PMFBP1: variants seen among roughly 807,000 people sequenced by gnomAD.
The protein encoded by PMFBP1 is polyamine modulated factor 1 binding protein 1.
PMFBP1 carries 131 observed loss-of-function variants against 137.8 expected under a neutral mutation model. The ratio of observed to expected loss-of-function variants is 0.95; its 90% CI spans 0.82 to 1.10. The LOEUF (loss-of-function observed/expected upper bound fraction) is 1.10. Ranked by LOEUF, PMFBP1 falls within the 50% of genes least tolerant of loss-of-function variation. The probability of loss-of-function intolerance (pLI) is 0.00; values close to 1 mark genes in which losing one functional copy is unlikely to be tolerated. For synonymous variants in PMFBP1, 490 were observed against 450.4 expected, an observed-to-expected ratio of 1.09 and a Z score of -1.11; for missense variants, 1,199 against 1,175.4, an observed-to-expected ratio of 1.02 and a Z score of -0.29.
At chr16:72,203,815 CTA>C in the PMFBP1 span, among the ~76,000 whole-genome samples, 1 of 152,178 alleles carries the variant, frequency 6.6e-6, no homozygotes, top group Non-Finnish European at 1.5e-5. Flanking sequence ...AGTGAATTCC[CTA>C]TGACTTCCTT....
the PMFBP1 span, among the ~76,000 whole-genome samples, chr16:72,190,639 A>T: frequency 6.6e-6 from 1 of 152,186 alleles, no homozygotes; most frequent in Admixed American, 6.5e-5. Flanking sequence ...GCTTGGGGTC[A>T]GAGGCAGGCG....
At chr16:72,204,758 G>A in the PMFBP1 span, among the ~76,000 whole-genome samples, 6 of 152,148 alleles carry the variant, frequency 3.9e-5, no homozygotes, top group Non-Finnish European at 7.4e-5. Flanking sequence ...ACTCATGCCA[G>A]TTTAAATGAT....
chr16:72,119,598 G>A (rs2042345789), intron 20 of PMFBP1: 3 of 1,443,020 alleles, frequency 2.1e-6, no homozygotes, highest in Non-Finnish European at 2.7e-6. Context: ...TCCCTAAAAT[G>A]GGTCTGGGTC....
the PMFBP1 span, among the ~76,000 whole-genome samples, chr16:72,247,904 A>G: frequency 4.6e-5 from 7 of 152,218 alleles, no homozygotes; most frequent in Admixed American, 1.3e-4. Flanking sequence ...ATGATGACAC[A>G]TATCAGAAAC....
intron 3 of PMFBP1, among the ~76,000 whole-genome samples, chr16:72,159,195 A>C (rs2043025807): frequency 6.6e-6 from 1 of 151,704 alleles, no homozygotes. Flanking sequence ...AAGAAGTCAA[A>C]CTCTCTCTCT....
At chr16:72,198,121 G>A in the PMFBP1 span, among the ~76,000 whole-genome samples, 17 of 152,122 alleles carry the variant, frequency 1.1e-4, no homozygotes, top group African/African-American at 2.7e-4. Context: ...ATTTCCAAGC[G>A]TATGACAGGC....
At chr16:72,120,373 C>T (rs1207969588) in intron 19 of PMFBP1, among the ~76,000 whole-genome samples, 1 of 152,152 alleles carries the variant, frequency 6.6e-6, no homozygotes, top group Non-Finnish European at 1.5e-5. Flanking sequence ...TCAGGCCTGG[C>T]CTGACTGATG....
rs1483048435 is a variant in PMFBP1 at position 72,132,669 on chromosome 16, G to A, written c.1447+79C>T. ...GGAGGGCGAGGGGAAGTGGCCACTG[G>A]GAGAGAGAAGGTGGCTGCTCTAGGG... is the stretch of plus-strand genomic sequence containing the variant. On this transcript the variant is annotated intron_variant, in intron 10 of 20. Coordinates refer to ENST00000237353, the MANE Select transcript of PMFBP1 (RefSeq NM_031293.3). 6.9e-6 allele frequency: 11 copies of A among 1,586,680 alleles called. No homozygotes were observed. In the African/African-American group the frequency reaches 1.3e-4, roughly 19 times the overall value.
rs1429804562 is a variant in PMFBP1, at chr16:72,171,341, G to C, written c.-60-73C>G. On this transcript the variant is annotated intron_variant, in intron 1 of 20. Transcript: ENST00000237353. ...TGCCCTTTAAAGATTTTCCCAGCTG[G>C]ATCTATGCCCTCAGCAAGAGGTTTG... 8 of 1,020,680 alleles carry C rather than the reference G, an allele frequency of 7.8e-6. No homozygotes were observed. The East Asian group carries it at 1.7e-4, about 22-fold the overall frequency. 63.2% of individuals were successfully genotyped at this position (1,020,680 alleles called of 1,614,324 possible).
intron 3 of PMFBP1, among the ~76,000 whole-genome samples, chr16:72,158,792 A>C (rs1173866064): frequency 6.6e-6 from 1 of 152,136 alleles, no homozygotes; most frequent in Non-Finnish European, 1.5e-5. Context: ...TGAGGAGTTC[A>C]AGACCAGCCT....
intron 17 of PMFBP1, among the ~76,000 whole-genome samples, 170 bp from the exon 18 acceptor site, chr16:72,123,819 C>T (rs11075922): frequency 0.45 from 68,345 of 152,006 alleles, 15,865 homozygotes; most frequent in South Asian, 0.58. Context: ...CTGGCTTGTG[C>T]GGGTGGCATC....
At chr16:72,199,865 G>C in the PMFBP1 span, among the ~76,000 whole-genome samples, 2 of 152,156 alleles carry the variant, frequency 1.3e-5, no homozygotes, top group Admixed American at 6.5e-5. Context: ...CAAGAAGAGA[G>C]GGAATGGCAG....
the PMFBP1 span, among the ~76,000 whole-genome samples, chr16:72,182,688 TA>T: frequency 3.3e-5 from 5 of 152,310 alleles, no homozygotes; most frequent in African/African-American, 1.2e-4. Flanking sequence ...ACTCCAAAAA[TA>T]CCCATGCCCT....
intron 2 of PMFBP1, among the ~76,000 whole-genome samples, chr16:72,168,911 C>T (rs1248690154): frequency 3.9e-5 from 6 of 152,066 alleles, no homozygotes; most frequent in Non-Finnish European, 7.4e-5. Context: ...CATGGTATCT[C>T]AAACATATAT....
the PMFBP1 span, among the ~76,000 whole-genome samples, chr16:72,198,060 T>C: frequency 1.3e-5 from 2 of 152,116 alleles, no homozygotes; most frequent in African/African-American, 4.8e-5. Context: ...AGTCTGGGGG[T>C]GGCTTTTCTT....
chr16:72,248,005 C>T, the PMFBP1 span, among the ~76,000 whole-genome samples: 6 of 152,148 alleles, frequency 3.9e-5, no homozygotes, highest in Non-Finnish European at 8.8e-5. Context: ...CAAACATCTG[C>T]CTCGGTCTGC....
intron 3 of PMFBP1, among the ~76,000 whole-genome samples, chr16:72,162,523 G>A (rs1241374385): frequency 6.6e-6 from 1 of 152,204 alleles, no homozygotes; most frequent in Non-Finnish European, 1.5e-5. Context: ...ATTTCAGAAA[G>A]TCTTGGTTTC....
At chr16:72,125,850 G>C in intron 15 of PMFBP1, 118 bp downstream of exon 15, 1 of 1,288,684 alleles carries the variant, frequency 7.8e-7, no homozygotes, top group African/African-American at 1.5e-5. Context: ...CCCACACAAG[G>C]GTTTGAGATG....
chr16:72,207,155 T>TCTGCTACACTCTGCA, the PMFBP1 span, among the ~76,000 whole-genome samples: 2 of 152,020 alleles, frequency 1.3e-5, no homozygotes, highest in Non-Finnish European at 2.9e-5. Flanking sequence ...TCTGCTACAA[T>TCTGCTACACTCTGCA]CAGGCTGACA....
Sources: gnomAD v4.1 joint callset for allele counts (sites outside exome capture counted in the v4.1 genomes callset) on GRCh38, gnomAD v4.1.1 for gene constraint, MANE v1.5 for transcripts, NCBI Gene and HGNC (gene_info 2026-07-23, HGNC 2026-07-21) for gene names.